The following DMAP1 variants were observed in gnomAD, a reference collection of about 807,000 sequenced individuals.
DMAP1 encodes DNA methyltransferase 1-associated protein 1.
In DMAP1, 26 loss-of-function variants were observed where a neutral mutation model predicts 52.7. The ratio of observed to expected loss-of-function variants is 0.49; its 90% CI spans 0.36 to 0.68. The LOEUF (loss-of-function observed/expected upper bound fraction) is 0.68, where lower values mean the gene tolerates loss of function less well. Among genes scored for constraint, DMAP1 ranks in the 30% least tolerant of loss-of-function variants. The pLI is 0.00. For synonymous variants in DMAP1, 231 were observed against 246.0 expected (o/e 0.94, Z 0.57); for missense variants, 439 against 625.2 (o/e 0.70, Z 3.18).
chr1:44,217,094 A>T (rs774939012), intron 3 of DMAP1: 1 of 152,254 alleles, frequency 6.6e-6, no homozygotes, highest in East Asian at 1.9e-4. Context: ...ACTGATAAAG[A>T]TAATAAAATT....
At chr1:44,215,025 A>G (rs1643759084) in intron 3 of DMAP1, 127 bp downstream of exon 3, 8 of 1,097,066 alleles carry the variant, frequency 7.3e-6, no homozygotes, top group Non-Finnish European at 9.5e-6. Flanking sequence ...TACCCACTCA[A>G]TCCTCGTGGC....
Position 44,220,072 on chromosome 1 carries a change from C to T in DMAP1, c.1107C>T (p.Ser369=), listed in dbSNP as rs752229758. The change falls in exon 9 of 10, where the codon AGC becomes AGT. Residue 369 remains serine, a synonymous_variant. Transcript: ENST00000372289. Reference sequence around the variant, plus strand: ...TGCACATGTTCAATGAGCTGCGAAGCGACCTGGTGCTGCTCTACGAGCTCA... The same window carrying T: ...TGCACATGTTCAATGAGCTGCGAAGTGACCTGGTGCTGCTCTACGAGCTCA... ...ELVHMFNELR[S]DLVLLYELKQ... 16 of 1,607,694 alleles carry T rather than the reference C, an allele frequency of 1.0e-5. No homozygotes were observed. Among genetic ancestry groups the T allele is most frequent in the Middle Eastern group, 1.7e-4 (1 of 6,058 alleles).
rs1354178217 is a variant in DMAP1 at position 44,213,521 on chromosome 1, G to C, written c.-233G>C. 6.2e-6 allele frequency: 3 copies of C among 485,472 alleles called. No homozygotes were observed. Among genetic ancestry groups the C allele is most frequent in the Non-Finnish European group, 1.1e-5 (3 of 269,544 alleles). The allele number at this position is 485,472 out of a possible 1,614,324, so 30.1% of individuals were successfully genotyped here. A position where few individuals can be genotyped will look rare whatever the true frequency, so the allele number is the denominator to read the frequency against. On this transcript the variant is annotated 5_prime_UTR_variant, in exon 1 of 10. Coordinates refer to ENST00000372289, the MANE Select transcript of DMAP1 (RefSeq NM_019100.5). This position sits in a 1 kb window ranked among gnomAD's most constrained non-coding sequence, Gnocchi z 4.5. ...GTGGTAGTGGGGGCTGCAGCTGCCG[G>C]ACCCAGGTGCGGAAGTGCGAGGGCC...
chr1:44,213,816 C>T lies in DMAP1; in HGVS notation c.63C>T (p.Ala21=), dbSNP rs1170864491. 1.3e-6 allele frequency: 2 copies of T among 1,596,534 alleles called. No homozygotes were observed. Among genetic ancestry groups the T allele is most frequent in the Admixed American group, 1.7e-5 (1 of 57,912 alleles). Reference sequence around the variant, plus strand: ...TCGGGGGTCCAGAAGGGGATGCAGCCTCTGGGACCATCAGCAAGAAGGACA... The same window carrying T: ...TCGGGGGTCCAGAAGGGGATGCAGCTTCTGGGACCATCAGCAAGAAGGACA... ...LELGGPEGDA[A]SGTISKKDII... is the part of the protein sequence containing the mutation. Residue 21 remains alanine (A), a synonymous_variant, in exon 1 of 10, where the codon GCC becomes GCT. Coordinates refer to ENST00000372289, the MANE Select transcript of DMAP1 (RefSeq NM_019100.5). The surrounding 1 kb of genome is among the most constrained non-coding windows in gnomAD (Gnocchi z 4.5).
At position 44,213,910 on chromosome 1, in the gene DMAP1, T is replaced by C. The variant is rs1358897331; in HGVS notation, c.105+52T>C. 2.0e-6 allele frequency: 3 copies of C among 1,514,380 alleles called. No individual in the cohort carries two copies. The highest frequency in any genetic ancestry group is 2.0e-5 in the Admixed American group (1 of 50,736). The allele number at this position is 1,514,380 out of a possible 1,614,324, so 93.8% of individuals were successfully genotyped here. On this transcript the variant is annotated intron_variant, in intron 1 of 9. Coordinates refer to ENST00000372289, the MANE Select transcript of DMAP1 (RefSeq NM_019100.5). This position sits in a 1 kb window ranked among gnomAD's most constrained non-coding sequence, Gnocchi z 4.5. ...CTAGGGGAGGGTAGGGGAGTGAAGA[T>C]GGGGAGGAGTGACAACGGGCAAGGG...
In DMAP1 at chr1:44,218,929, C is replaced by T; in HGVS notation, c.721-127C>T. 1 of 1,412,844 alleles carries T rather than the reference C, an allele frequency of 7.1e-7. No homozygotes were observed. The highest frequency in any genetic ancestry group is 9.7e-7 in the Non-Finnish European group (1 of 1,032,800). 87.5% of individuals were successfully genotyped at this position (1,412,844 alleles called of 1,614,324 possible). A position where few individuals can be genotyped will look rare whatever the true frequency, so the allele number is the denominator to read the frequency against. On this transcript the variant is annotated intron_variant, in intron 5 of 9. Transcript: ENST00000372289. The surrounding 1 kb of genome is among the most constrained non-coding windows in gnomAD (Gnocchi z 5.6). Reference sequence around the variant, plus strand: ...GGCCATCCCCCCTGCTTTTCATAGCCCTTCACCTCCCTCATGATCCATTAC... The same window carrying T: ...GGCCATCCCCCCTGCTTTTCATAGCTCTTCACCTCCCTCATGATCCATTAC...
chr1:44,218,615 C>T lies in DMAP1; in HGVS notation c.580C>T (p.Arg194Trp), dbSNP rs1043259224. ...GCGTTCTGTGGAAGACCTGAAGGAG[C>T]GGTACTACCACATCTGTGCTAAGCT... ...KKRSVEDLKE[R>W]YYHICAKLAN... Residue 194 changes from arginine (R) to tryptophan (W), a missense_variant, in exon 5 of 10, where the codon CGG (arginine) becomes TGG (tryptophan). This residue lies in a region of DMAP1 where 142 missense variants were observed against 149.5 expected (regional missense o/e 0.95). Transcript: ENST00000372289. The surrounding 1 kb of genome is among the most constrained non-coding windows in gnomAD (Gnocchi z 5.6). 6.2e-6 allele frequency: 10 copies of T among 1,611,630 alleles called. No homozygotes were observed. Among genetic ancestry groups the T allele is most frequent in the South Asian group, 2.2e-5 (2 of 91,012 alleles).
chr1:44,214,261 G>T, intron 1 of DMAP1, 89 bp from the exon 2 acceptor site: 3 of 1,230,726 alleles, frequency 2.4e-6, no homozygotes, highest in Non-Finnish European at 3.6e-6. Context: ...GACCCTGTAG[G>T]TGCTGCTTTG....
chr1:44,215,006 A>G, intron 3 of DMAP1, 108 bp downstream of exon 3: 8 of 1,259,198 alleles, frequency 6.4e-6, no homozygotes, highest in Non-Finnish European at 9.1e-6. Flanking sequence ...GCTTATGCCC[A>G]ACTGTGATTA....
At chr1:44,214,508 T>C (rs773335339) in intron 2 of DMAP1, 67 bp downstream of exon 2, 92 of 1,613,276 alleles carry the variant, frequency 5.7e-5, no homozygotes, top group Non-Finnish European at 7.7e-5. Context: ...CCCTAACTCC[T>C]AGTTTTCTCT....
chr1:44,214,051 C>A (rs995555698), intron 1 of DMAP1, among the ~76,000 whole-genome samples, 193 bp downstream of exon 1: 1 of 152,138 alleles, frequency 6.6e-6, no homozygotes, highest in Admixed American at 6.5e-5. Context: ...GATGGTGGGA[C>A]CAAGAGGGTA....
At position 44,213,581 on chromosome 1, in the gene DMAP1, C is replaced by T. The variant is rs1049569580; in HGVS notation, c.-173C>T. The T allele has an allele frequency of 8.9e-6, 5 of 564,306 alleles. No individual in the cohort carries two copies. The African/African-American group carries it at 9.7e-5, about 11-fold the overall frequency. The allele number at this position is 564,306 out of a possible 1,614,324, so 35.0% of individuals were successfully genotyped here. A position where few individuals can be genotyped will look rare whatever the true frequency, so the allele number is the denominator to read the frequency against. On this transcript the variant is annotated 5_prime_UTR_variant, in exon 1 of 10. Coordinates refer to ENST00000372289, the MANE Select transcript of DMAP1 (RefSeq NM_019100.5). This position sits in a 1 kb window ranked among gnomAD's most constrained non-coding sequence, Gnocchi z 4.5. ...GAAGGGGCCGTTAGGAACATCCAAG[C>T]GGTGGGGCACAGGCAGATCCCCGAC...
At chr1:44,219,909 T>A in intron 8 of DMAP1, 31 bp downstream of exon 8, 1 of 1,613,872 alleles carries the variant, frequency 6.2e-7, no homozygotes, top group Non-Finnish European at 8.5e-7. Context: ...CCATAGGGTG[T>A]ACCCACCCGA....
rs977548813 is a variant in DMAP1, at chr1:44,218,571, CCT to C, written c.553-16_553-15del. The C allele has an allele frequency of 1.9e-6, 3 of 1,608,996 alleles. No homozygotes were observed. Among genetic ancestry groups the C allele is most frequent in the Admixed American group, 1.7e-5 (1 of 59,872 alleles). On this transcript the variant is annotated splice_polypyrimidine_tract_variant and intron_variant, in intron 4 of 9. Coordinates refer to ENST00000372289, the MANE Select transcript of DMAP1 (RefSeq NM_019100.5). This position sits in a 1 kb window ranked among gnomAD's most constrained non-coding sequence, Gnocchi z 5.6. ...TGCCCCTGAATGTTCATTCCTCTAC[CCT>C]GTCTTGCTCCTCAGAAGCGTTCTGT...
chr1:44,218,769 CA>C lies in DMAP1; in HGVS notation c.720+15del, dbSNP rs771712127. On this transcript the variant is annotated intron_variant, in intron 5 of 9. Coordinates refer to ENST00000372289, the MANE Select transcript of DMAP1 (RefSeq NM_019100.5). This position sits in a 1 kb window ranked among gnomAD's most constrained non-coding sequence, Gnocchi z 5.6. ...ACCCCAGAGCAGGTAAGCCCAAGGC[CA>C]CATACCTGTCCTCCATGCCCCAAAC... The C allele has an allele frequency of 6.3e-7, 1 of 1,589,820 alleles. No individual in the cohort carries two copies. The highest frequency in any genetic ancestry group is 1.1e-5 in the South Asian group (1 of 88,562).
chr1:44,220,348 T>C, intron 9 of DMAP1, 39 bp downstream of exon 9: 1 of 1,524,146 alleles, frequency 6.6e-7, no homozygotes, highest in Non-Finnish European at 8.8e-7. Context: ...GCCTGGGCCC[T>C]GCGAGTGAGC....
rs778731445 is a variant in DMAP1, at chr1:44,219,474, A to G, written c.975A>G (p.Gln325=). 2.5e-6 allele frequency: 4 copies of G among 1,582,018 alleles called. No homozygotes were observed. Among genetic ancestry groups the G allele is most frequent in the Middle Eastern group, 1.7e-4 (1 of 5,842 alleles). Residue 325 remains glutamine, a synonymous_variant, in exon 7 of 10, where the codon CAA becomes CAG. Transcript: ENST00000372289. The part of the protein sequence containing the change: ...FKSAGVTLRS[Q]RMKLPSSVGQ... ...CTGCAGGTGTCACGCTGCGGAGCCA[A>G]CGGGTACGTGAGTCACCTCCTTTAG...
chr1:44,218,215 G>A lies in DMAP1; in HGVS notation c.394-96G>A, dbSNP rs1219156480. 1 of 1,548,400 alleles carries A rather than the reference G, an allele frequency of 6.5e-7. No homozygotes were observed. The highest frequency in any genetic ancestry group is 8.9e-7 in the Non-Finnish European group (1 of 1,120,796). ...TGCAGGGGCACAGGCCCAGGGTCTG[G>A]CAACAAACAGGAGCAGCTGTGGTCA... On this transcript the variant is annotated intron_variant, in intron 3 of 9. Coordinates refer to ENST00000372289, the MANE Select transcript of DMAP1 (RefSeq NM_019100.5). This position sits in a 1 kb window ranked among gnomAD's most constrained non-coding sequence, Gnocchi z 5.6.
At position 44,220,012 on chromosome 1, in the gene DMAP1, T is replaced by C. The variant is rs1643875315; in HGVS notation, c.1052-5T>C. 1.3e-6 allele frequency: 2 copies of C among 1,599,302 alleles called. No homozygotes were observed. The highest frequency in any genetic ancestry group is 8.5e-7 in the Non-Finnish European group (1 of 1,169,792). On this transcript the variant is annotated splice_region_variant and splice_polypyrimidine_tract_variant and intron_variant, in intron 8 of 9. Transcript: ENST00000372289. ...CTGCCCGTGCTGCCTGCCGCCTGCC[T>C]GCAGAGCTGAGCCCGACACCTACGG...
Sources: gnomAD v4.1 joint callset for allele counts (sites outside exome capture counted in the v4.1 genomes callset) on GRCh38, gnomAD v4.1.1 for gene constraint, gnomAD v4.1.1 regional missense constraint, Gnocchi (gnomAD v3.1) non-coding constraint, MANE v1.5 for transcripts, NCBI Gene and HGNC (gene_info 2026-07-23, HGNC 2026-07-21) for gene names.